Variants in DLGAP1 observed in about 807,000 individuals in gnomAD.
DLGAP1 encodes the protein disks large-associated protein 1.
In DLGAP1, 11 loss-of-function variants were observed where a neutral mutation model predicts 90.8. The observed-to-expected ratio is 0.12, with a 90% CI of 0.08 to 0.20. DLGAP1 has a LOEUF of 0.20. Among genes scored for constraint, DLGAP1 ranks in the 10% least tolerant of loss-of-function variants. The probability of loss-of-function intolerance (pLI) is 1.00; values close to 1 mark genes in which losing one functional copy is unlikely to be tolerated. For synonymous variants in DLGAP1, 558 were observed against 540.7 expected (o/e 1.03, Z -0.44); for missense variants, 1,050 against 1,333.8 (o/e 0.79, Z 3.31).
chr18:4,293,868 A>C (rs2079908613), intron 1 of DLGAP1: 1 of 152,230 alleles, frequency 6.6e-6, no homozygotes, highest in South Asian at 2.1e-4. Flanking sequence ...TGATCACTTA[A>C]AAGTAATATA....
chr18:3,682,783 C>A (rs2060565997), intron 7 of DLGAP1, among the ~76,000 whole-genome samples: 1 of 152,000 alleles, frequency 6.6e-6, no homozygotes, highest in South Asian at 2.1e-4. Context: ...ACACAGGACT[C>A]CTAGAGCATC....
intron 7 of DLGAP1, among the ~76,000 whole-genome samples, chr18:3,696,825 C>T (rs148449196): frequency 1.3e-5 from 2 of 152,210 alleles, no homozygotes; most frequent in East Asian, 3.9e-4. Context: ...TCTGTCTGGT[C>T]CTGGACTGTT....
intron 2 of DLGAP1, among the ~76,000 whole-genome samples, chr18:4,033,841 A>T (rs1598275429): frequency 6.8e-6 from 1 of 147,616 alleles, no homozygotes; most frequent in Non-Finnish European, 1.5e-5. Flanking sequence ...CCGGGTTCAA[A>T]TGATTCTCTG....
At chr18:4,173,662 A>G (rs1012130484) in intron 1 of DLGAP1, among the ~76,000 whole-genome samples, 14 of 152,314 alleles carry the variant, frequency 9.2e-5, no homozygotes, top group African/African-American at 3.4e-4. Context: ...CGTAGACTGC[A>G]AAGTCTCAGT....
intron 4 of DLGAP1, among the ~76,000 whole-genome samples, chr18:3,864,308 A>T (rs11661086): frequency 0.12 from 18,207 of 152,220 alleles, 1,242 homozygotes; most frequent in Admixed American, 0.19. Context: ...AAAACATACA[A>T]GAGATCAAAT....
chr18:4,232,600 A>T (rs2078323539), intron 1 of DLGAP1, among the ~76,000 whole-genome samples: 1 of 152,194 alleles, frequency 6.6e-6, no homozygotes. Context: ...GCAAGAGCCT[A>T]AAATTTACTA....
chr18:4,299,842 T>A (rs933492999), intron 1 of DLGAP1, among the ~76,000 whole-genome samples: 3 of 152,192 alleles, frequency 2.0e-5, no homozygotes, highest in Admixed American at 6.5e-5. Flanking sequence ...GTGATGTTTT[T>A]AACTATTTAT....
At chr18:4,089,839 A>G (rs1222376120) in intron 2 of DLGAP1, among the ~76,000 whole-genome samples, 3 of 152,228 alleles carry the variant, frequency 2.0e-5, no homozygotes, top group East Asian at 1.9e-4. Context: ...AGGTCAGGAG[A>G]TCGAGACCAT....
intron 7 of DLGAP1, chr18:3,597,155 ACT>A (rs758960810): frequency 1.9e-6 from 1 of 515,684 alleles, no homozygotes; most frequent in Non-Finnish European, 3.9e-6. Context: ...ATTTTTCTGT[ACT>A]CTGTCTGTTT....
intron 3 of DLGAP1, among the ~76,000 whole-genome samples, chr18:3,972,293 C>A (rs369637868): frequency 1.1e-4 from 16 of 152,098 alleles, no homozygotes; most frequent in African/African-American, 3.9e-4. Flanking sequence ...TGGAGGATCA[C>A]TTGAAGCCCG....
chr18:4,325,234 A>C (rs2080790746), intron 1 of DLGAP1, among the ~76,000 whole-genome samples: 1 of 152,208 alleles, frequency 6.6e-6, no homozygotes, highest in South Asian at 2.1e-4. Flanking sequence ...CTGAGAGCCA[A>C]ATCAGGAACA....
At chr18:4,125,355 G>A (rs74317193) in intron 2 of DLGAP1, among the ~76,000 whole-genome samples, 1,739 of 152,320 alleles carry the variant, frequency 0.011, 25 homozygotes, top group African/African-American at 0.035. Flanking sequence ...AAGGCTCCCT[G>A]GAGAATGGAT....
intron 1 of DLGAP1, among the ~76,000 whole-genome samples, chr18:4,277,704 A>C (rs920761724): frequency 6.6e-6 from 1 of 152,164 alleles, no homozygotes; most frequent in East Asian, 1.9e-4. Context: ...TTGTTATCCC[A>C]CATTACTGCA....
chr18:3,985,047 T>C (rs1000087661), intron 3 of DLGAP1, among the ~76,000 whole-genome samples: 2 of 152,204 alleles, frequency 1.3e-5, no homozygotes, highest in Non-Finnish European at 2.9e-5. Context: ...TGCATTTATC[T>C]AATCCTAACC....
chr18:4,429,348 C>T (rs1468267521), intron 1 of DLGAP1, among the ~76,000 whole-genome samples: 1 of 152,086 alleles, frequency 6.6e-6, no homozygotes, highest in Admixed American at 6.5e-5. Flanking sequence ...AAATACCCAG[C>T]CAATAACAAA....
At chr18:3,961,972 C>T (rs1056049677) in intron 3 of DLGAP1, among the ~76,000 whole-genome samples, 10 of 152,128 alleles carry the variant, frequency 6.6e-5, no homozygotes, top group African/African-American at 2.2e-4. Context: ...GACTCTGAGT[C>T]ACATACAGTA....
At chr18:3,858,475 A>AAC (rs1421818376) in intron 4 of DLGAP1, among the ~76,000 whole-genome samples, 1 of 43,222 alleles carries the variant, frequency 2.3e-5, no homozygotes, top group African/African-American at 1.7e-4. Flanking sequence ...ACAAAAGGGA[A>AAC]ACATATATAT....
intron 7 of DLGAP1, among the ~76,000 whole-genome samples, chr18:3,696,526 C>A (rs1257096108): frequency 1.3e-5 from 2 of 152,148 alleles, no homozygotes; most frequent in Non-Finnish European, 2.9e-5. Context: ...TTGAACCAGC[C>A]TTACATCCCA....
At chr18:4,002,422 C>A (rs2074210894) in intron 3 of DLGAP1, among the ~76,000 whole-genome samples, 1 of 152,186 alleles carries the variant, frequency 6.6e-6, no homozygotes, top group African/African-American at 2.4e-5. Context: ...GACAGCAAGA[C>A]CAGACCCATC....
Sources: gnomAD v4.1 joint callset for allele counts (sites outside exome capture counted in the v4.1 genomes callset) on GRCh38, gnomAD v4.1.1 for gene constraint, MANE v1.5 for transcripts, NCBI Gene and HGNC (gene_info 2026-07-23, HGNC 2026-07-21) for gene names.